The following SMIM10L3 variants were observed in gnomAD, a reference collection of about 807,000 sequenced individuals.
The protein encoded by SMIM10L3 is salivary gland specific protein SAGSIN1.
At chr7:6,340,370 G>A in the SMIM10L3 span, among the ~76,000 whole-genome samples, 5 of 152,162 alleles carry the variant, frequency 3.3e-5, no homozygotes, top group Admixed American at 6.6e-5. Context: ...GGGTTGGTGC[G>A]GTGGAGGACG....
chr7:6,340,750 T>C, the SMIM10L3 span, among the ~76,000 whole-genome samples: 1 of 150,918 alleles, frequency 6.6e-6, no homozygotes, highest in Admixed American at 6.6e-5. Context: ...ATACAAAAAA[T>C]TAGCCGGGCG....
chr7:6,341,161 CT>C, the SMIM10L3 span, among the ~76,000 whole-genome samples: 1 of 143,194 alleles, frequency 7.0e-6, no homozygotes, highest in African/African-American at 2.6e-5. Flanking sequence ...AAAATGAGTG[CT>C]GGCCAGGCAC....
the SMIM10L3 span, among the ~76,000 whole-genome samples, chr7:6,335,829 G>A: frequency 2.0e-5 from 3 of 152,032 alleles, no homozygotes; most frequent in African/African-American, 7.2e-5. Context: ...GAGCCCAGGG[G>A]TGTGAGACCA....
chr7:6,331,477 G>GC, the SMIM10L3 span, among the ~76,000 whole-genome samples: 2 of 151,098 alleles, frequency 1.3e-5, no homozygotes, highest in African/African-American at 4.9e-5. Flanking sequence ...TAAGGTTTTT[G>GC]TTTTTTTGAG....
At chr7:6,341,210 CAAG>C in the SMIM10L3 span, among the ~76,000 whole-genome samples, 1 of 150,862 alleles carries the variant, frequency 6.6e-6, no homozygotes, top group Non-Finnish European at 1.5e-5. Context: ...TTTGGGAGGC[CAAG>C]GAGGGTAGAT....
chr7:6,331,356 T>C, the SMIM10L3 span: 1 of 617,938 alleles, frequency 1.6e-6, no homozygotes, highest in African/African-American at 1.8e-5. Flanking sequence ...CAGTACAGGG[T>C]TTCACCATAT....
the SMIM10L3 span, chr7:6,348,438 G>T: frequency 2.5e-6 from 1 of 396,618 alleles, no homozygotes; most frequent in African/African-American, 2.1e-5. Context: ...CCCAAAGTAG[G>T]GTCGCACGGG....
chr7:6,337,070 A>ATTTTT, the SMIM10L3 span, among the ~76,000 whole-genome samples: 1 of 151,050 alleles, frequency 6.6e-6, no homozygotes, highest in Non-Finnish European at 1.5e-5. Context: ...AGGTATTTTA[A>ATTTTT]TTCTTTTTTT....
chr7:6,347,240 C>T, the SMIM10L3 span, among the ~76,000 whole-genome samples: 2 of 152,180 alleles, frequency 1.3e-5, no homozygotes, highest in Non-Finnish European at 2.9e-5. Context: ...CTTGGCTGGG[C>T]GCTGTGGCTG....
the SMIM10L3 span, chr7:6,331,288 G>T: frequency 1.3e-6 from 1 of 799,314 alleles, no homozygotes; most frequent in Non-Finnish European, 2.0e-6. Context: ...TGGGTCTTAA[G>T]AGCATCTACA....
chr7:6,330,618 C>G, the SMIM10L3 span: 1 of 1,614,134 alleles, frequency 6.2e-7, no homozygotes, highest in East Asian at 2.2e-5. Flanking sequence ...ACTCAGAGCC[C>G]AGACCCTTGG....
the SMIM10L3 span, chr7:6,348,528 G>A: frequency 4.8e-6 from 2 of 413,772 alleles, no homozygotes; most frequent in Middle Eastern, 6.2e-4. Context: ...GGGCGAGGCG[G>A]GCGCTCGGGG....
the SMIM10L3 span, among the ~76,000 whole-genome samples, chr7:6,343,068 G>A: frequency 6.8e-6 from 1 of 147,128 alleles, no homozygotes; most frequent in Non-Finnish European, 1.5e-5. Flanking sequence ...AAGAAAGAAA[G>A]AGGAAGAGAA....
At chr7:6,334,570 A>T in the SMIM10L3 span, among the ~76,000 whole-genome samples, 1 of 150,864 alleles carries the variant, frequency 6.6e-6, no homozygotes, top group Non-Finnish European at 1.5e-5. Flanking sequence ...TGGGTTCAAC[A>T]ATTCTCCTGC....
chr7:6,340,582 G>A, the SMIM10L3 span, among the ~76,000 whole-genome samples: 5 of 152,032 alleles, frequency 3.3e-5, no homozygotes, highest in South Asian at 2.1e-4. Flanking sequence ...TAACAGACTC[G>A]AAGGAGGGCA....
chr7:6,331,356 T>G, the SMIM10L3 span: 1 of 618,056 alleles, frequency 1.6e-6, no homozygotes, highest in South Asian at 2.1e-5. Context: ...CAGTACAGGG[T>G]TTCACCATAT....
At chr7:6,348,241 G>T in the SMIM10L3 span, among the ~76,000 whole-genome samples, 11 of 150,482 alleles carry the variant, frequency 7.3e-5, no homozygotes, top group African/African-American at 1.2e-4. Context: ...AAGGGGGGGG[G>T]TTGCAAAGTT....
chr7:6,333,168 CA>C, the SMIM10L3 span, among the ~76,000 whole-genome samples: 69,065 of 127,824 alleles, frequency 0.54, 18,323 homozygotes, highest in East Asian at 0.95. Flanking sequence ...ATAAAAAAAT[CA>C]AAAAAAAAAA....
At chr7:6,331,297 CACCCACCAAAT>C in the SMIM10L3 span, 10 of 738,854 alleles carry the variant, frequency 1.4e-5, no homozygotes, top group Non-Finnish European at 2.2e-5. Context: ...AGAGCATCTA[CACCCACCAAAT>C]ATTTCCTAAC....
Sources: allele counts gnomAD v4.1 joint callset (sites outside exome capture counted in the v4.1 genomes callset), GRCh38; gene constraint gnomAD v4.1.1; transcripts MANE v1.5; gene names NCBI Gene and HGNC (gene_info 2026-07-23, HGNC 2026-07-21).